IMMP2L: variants seen among roughly 807,000 people sequenced by gnomAD.
IMMP2L encodes mitochondrial inner membrane protease subunit 2.
IMMP2L carries 18 observed loss-of-function variants against 19.3 expected under a neutral mutation model. The observed-to-expected ratio is 0.93, with a 90% CI of 0.64 to 1.38. The LOEUF is 1.38. Among genes scored for constraint, IMMP2L ranks in the 40% most tolerant of loss-of-function variants. The pLI is 0.00. For missense variants in IMMP2L, 233 were observed against 218.2 expected, an observed-to-expected ratio of 1.07 and a Z score of -0.43; for synonymous variants, 76 against 73.0, an observed-to-expected ratio of 1.04 and a Z score of -0.21.
At chr7:110,857,544 G>C (rs1806923697) in intron 5 of IMMP2L, among the ~76,000 whole-genome samples, 1 of 152,012 alleles carries the variant, frequency 6.6e-6, no homozygotes, top group South Asian at 2.1e-4. Flanking sequence ...ATCATATTAG[G>C]TACCTGTTAA....
intron 3 of IMMP2L, among the ~76,000 whole-genome samples, chr7:111,395,455 C>T (rs1337212592): frequency 6.6e-6 from 1 of 152,052 alleles, no homozygotes; most frequent in Non-Finnish European, 1.5e-5. Flanking sequence ...ATCATTTGAG[C>T]AAAATTTCTT....
At chr7:111,497,839 A>C (rs779621159) in intron 2 of IMMP2L, among the ~76,000 whole-genome samples, 2 of 151,862 alleles carry the variant, frequency 1.3e-5, no homozygotes, top group African/African-American at 2.4e-5. Flanking sequence ...AATATATATA[A>C]AGTCAATACT....
intron 3 of IMMP2L, among the ~76,000 whole-genome samples, chr7:111,331,108 T>C (rs1825830888): frequency 6.6e-6 from 1 of 151,908 alleles, no homozygotes; most frequent in South Asian, 2.1e-4. Flanking sequence ...AATCAGTTTG[T>C]TGAAGAAATG....
chr7:111,256,628 A>G (rs780344515), intron 3 of IMMP2L, among the ~76,000 whole-genome samples: 2 of 152,176 alleles, frequency 1.3e-5, no homozygotes, highest in Non-Finnish European at 2.9e-5. Flanking sequence ...TTGTTCATAG[A>G]GGACCATGCT....
chr7:111,431,602 T>A (rs974632296), intron 3 of IMMP2L, among the ~76,000 whole-genome samples: 7 of 151,610 alleles, frequency 4.6e-5, no homozygotes, highest in Admixed American at 2.6e-4. Flanking sequence ...ATAATGCATA[T>A]TAAAACAAAA....
intron 3 of IMMP2L, among the ~76,000 whole-genome samples, chr7:111,041,043 CTGAGT>C (rs1310828974): frequency 6.6e-6 from 1 of 152,068 alleles, no homozygotes; most frequent in Non-Finnish European, 1.5e-5. Flanking sequence ...TCTAGCTGTT[CTGAGT>C]TATCATTCCC....
intron 1 of IMMP2L, among the ~76,000 whole-genome samples, chr7:111,557,179 A>C (rs1362225132): frequency 1.3e-5 from 2 of 151,916 alleles, no homozygotes; most frequent in Non-Finnish European, 2.9e-5. Context: ...ATCCCTACTG[A>C]TGTACTGTCC....
At chr7:111,559,526 T>C (rs1332778611) in intron 1 of IMMP2L, among the ~76,000 whole-genome samples, 1 of 152,164 alleles carries the variant, frequency 6.6e-6, no homozygotes, top group Non-Finnish European at 1.5e-5. Context: ...TGGAATGATC[T>C]GATAAGGCCA....
intron 3 of IMMP2L, among the ~76,000 whole-genome samples, chr7:111,027,378 G>C (rs1043865908): frequency 1.3e-5 from 2 of 152,006 alleles, no homozygotes; most frequent in African/African-American, 4.8e-5. Flanking sequence ...ACAATTATTT[G>C]TTCTTTGAAT....
At chr7:111,278,981 GA>G (rs536540083) in intron 3 of IMMP2L, among the ~76,000 whole-genome samples, 2,960 of 149,718 alleles carry the variant, frequency 0.02, 120 homozygotes, top group African/African-American at 0.069. Context: ...CATGAAACAT[GA>G]AAAAAAAAAT....
At chr7:111,083,527 G>A (rs902911611) in intron 3 of IMMP2L, among the ~76,000 whole-genome samples, 6 of 152,146 alleles carry the variant, frequency 3.9e-5, no homozygotes, top group Non-Finnish European at 8.8e-5. Context: ...AGAGGAGAAC[G>A]AGGGCCTCAA....
chr7:111,187,947 G>T (rs1808454008), intron 3 of IMMP2L, among the ~76,000 whole-genome samples: 2 of 151,944 alleles, frequency 1.3e-5, no homozygotes, highest in African/African-American at 2.4e-5. Flanking sequence ...GCTTCCAAAA[G>T]GGAAAATGGA....
intron 4 of IMMP2L, among the ~76,000 whole-genome samples, chr7:110,934,244 G>C (rs1193274219): frequency 6.6e-6 from 1 of 152,122 alleles, no homozygotes; most frequent in Non-Finnish European, 1.5e-5. Context: ...TTGCTGAGGA[G>C]TGTTTTACTT....
At chr7:111,428,989 T>C (rs562387403) in intron 3 of IMMP2L, among the ~76,000 whole-genome samples, 2 of 151,956 alleles carry the variant, frequency 1.3e-5, no homozygotes, top group South Asian at 4.1e-4. Context: ...GAAGGCTAGA[T>C]GGCTAGGTGG....
intron 3 of IMMP2L, among the ~76,000 whole-genome samples, chr7:111,118,201 A>T (rs1382925102): frequency 2.0e-5 from 3 of 152,110 alleles, no homozygotes. Flanking sequence ...TGGTGAGCAG[A>T]TATTTTATCT....
intron 5 of IMMP2L, among the ~76,000 whole-genome samples, chr7:110,720,258 T>C (rs1795484981): frequency 6.6e-6 from 1 of 152,116 alleles, no homozygotes; most frequent in Non-Finnish European, 1.5e-5. Flanking sequence ...TTATAACACG[T>C]AGAGGTATAA....
intron 1 of IMMP2L, among the ~76,000 whole-genome samples, chr7:111,552,587 A>G (rs1790804099): frequency 6.6e-6 from 1 of 152,084 alleles, no homozygotes; most frequent in Non-Finnish European, 1.5e-5. Context: ...CATCACTTCT[A>G]TAACACATTT....
At chr7:110,843,515 T>C (rs1310154806) in intron 5 of IMMP2L, among the ~76,000 whole-genome samples, 1 of 152,108 alleles carries the variant, frequency 6.6e-6, no homozygotes, top group Non-Finnish European at 1.5e-5. Flanking sequence ...ATAAAGCTTG[T>C]CACTTATTCG....
Position 111,433,803 on chromosome 7 carries a change from C to T in IMMP2L, c.239+53435G>A, listed in dbSNP as rs193215687. ...TGAAAGAAAGTGTAGATGACACAAC[C>T]AAATTTTTAAAAATCCCATAACCAT... On this transcript the variant is annotated intron_variant, in intron 3 of 5. Transcript: ENST00000405709. 1.6e-3 allele frequency among the ~76,000 whole-genome samples: 242 copies of T among 151,522 alleles called. 5 individuals are homozygous for T. Among genetic ancestry groups the T allele is most frequent in the African/African-American group, 5.7e-3 (235 of 41,096 alleles).
Sources: allele counts gnomAD v4.1 joint callset (sites outside exome capture counted in the v4.1 genomes callset), GRCh38; gene constraint gnomAD v4.1.1; transcripts MANE v1.5; gene names NCBI Gene and HGNC (gene_info 2026-07-23, HGNC 2026-07-21).